The following RASGRF1 variants were observed in gnomAD, a reference collection of about 807,000 sequenced individuals.
The protein encoded by RASGRF1 is Ras protein specific guanine nucleotide releasing factor 1.
A neutral mutation model predicts 138.7 loss-of-function variants in RASGRF1; 40 were observed. That is an observed-to-expected ratio of 0.29 (90% CI 0.22 to 0.38). The LOEUF is 0.38. Among genes scored for constraint, RASGRF1 ranks in the 10% least tolerant of loss-of-function variants. The pLI is 1.00. For missense variants in RASGRF1, 1,108 were observed against 1,650.4 expected, an observed-to-expected ratio of 0.67 and a Z score of 5.69; for synonymous variants, 614 against 663.2, an observed-to-expected ratio of 0.93 and a Z score of 1.14.
At chr15:79,019,109 C>T (rs2056922791) in intron 11 of RASGRF1, among the ~76,000 whole-genome samples, 1 of 152,008 alleles carries the variant, frequency 6.6e-6, no homozygotes, top group South Asian at 2.1e-4. Context: ...TGTGGCAACC[C>T]CCAGGCCCAT....
intron 10 of RASGRF1, 47 bp downstream of exon 10, chr15:79,025,267 A>T: frequency 6.5e-7 from 1 of 1,537,424 alleles, no homozygotes; most frequent in Non-Finnish European, 8.8e-7. Context: ...CAGCGCCTGC[A>T]TGACCCTAGC....
chr15:78,964,024 A>G (rs1011157147), intron 26 of RASGRF1, among the ~76,000 whole-genome samples: 1 of 152,100 alleles, frequency 6.6e-6, no homozygotes, highest in African/African-American at 2.4e-5. Context: ...GGGTTTTGTC[A>G]TGTTGGCCAG....
At chr15:78,996,748 G>C (rs1314080768) in intron 19 of RASGRF1, among the ~76,000 whole-genome samples, 1 of 152,208 alleles carries the variant, frequency 6.6e-6, no homozygotes, top group Admixed American at 6.5e-5. Context: ...GTGTGTGTGT[G>C]TGTGGGCATG....
intron 5 of RASGRF1, among the ~76,000 whole-genome samples, chr15:79,037,009 T>A (rs1026450667): frequency 6.6e-6 from 1 of 152,130 alleles, no homozygotes; most frequent in African/African-American, 2.4e-5. Context: ...GTCTATCATC[T>A]CCCTAAAGTT....
chr15:79,065,482 AG>A (rs1158380636), intron 1 of RASGRF1, among the ~76,000 whole-genome samples: 1 of 152,008 alleles, frequency 6.6e-6, no homozygotes, highest in Non-Finnish European at 1.5e-5. Context: ...GACAAAGCCC[AG>A]GTTTCAGGTT....
intron 8 of RASGRF1, among the ~76,000 whole-genome samples, chr15:79,029,579 G>C (rs537859666): frequency 6.6e-6 from 1 of 152,246 alleles, no homozygotes; most frequent in East Asian, 1.9e-4. Context: ...TGGAAATGAT[G>C]ATTTGGGTTA....
At chr15:79,049,877 G>T (rs543184628) in intron 3 of RASGRF1, among the ~76,000 whole-genome samples, 2 of 152,298 alleles carry the variant, frequency 1.3e-5, no homozygotes, top group East Asian at 3.8e-4. Flanking sequence ...TTCTGCTCTC[G>T]GGGCTGTAGC....
rs2055812063 is a variant in RASGRF1 at position 78,973,454 on chromosome 15, A to G, written c.3495-34T>C. The G allele has an allele frequency of 1.3e-6, 2 of 1,507,202 alleles. No homozygotes were observed. The highest frequency in any genetic ancestry group is 1.8e-6 in the Non-Finnish European group (2 of 1,091,896). The allele number at this position is 1,507,202 out of a possible 1,614,324, so 93.4% of individuals were successfully genotyped here. On this transcript the variant is annotated intron_variant, in intron 24 of 26. Transcript: ENST00000558480. The surrounding 1 kb of genome is among the most constrained non-coding windows in gnomAD (Gnocchi z 4.9). Reference sequence around the variant, plus strand: ...CAAACGGCATTAACACAAGTTTTTCATTTTAAAAAAGTAACGTCTACCAAG... The same window carrying G: ...CAAACGGCATTAACACAAGTTTTTCGTTTTAAAAAAGTAACGTCTACCAAG...
At chr15:79,023,263 G>T (rs1037183270) in intron 10 of RASGRF1, among the ~76,000 whole-genome samples, 1 of 152,014 alleles carries the variant, frequency 6.6e-6, no homozygotes, top group African/African-American at 2.4e-5. Context: ...TGGAGGGACT[G>T]TAGCTTACAG....
intron 22 of RASGRF1, among the ~76,000 whole-genome samples, chr15:78,989,479 T>C (rs1261058371): frequency 2.0e-5 from 3 of 151,082 alleles, no homozygotes; most frequent in Non-Finnish European, 3.0e-5. Context: ...TAATTAAACA[T>C]TCGCTCAGCA....
At chr15:78,980,778 A>G in intron 23 of RASGRF1, 79 bp from the exon 24 acceptor site, 1 of 1,099,450 alleles carries the variant, frequency 9.1e-7, no homozygotes, top group Non-Finnish European at 1.3e-6. Flanking sequence ...CCCACACTCC[A>G]ACATGCTGCC....
At chr15:79,089,273 T>C (rs1186041728) in intron 1 of RASGRF1, among the ~76,000 whole-genome samples, 1 of 152,244 alleles carries the variant, frequency 6.6e-6, no homozygotes, top group East Asian at 1.9e-4. Flanking sequence ...TAGGATCCAC[T>C]ATCATCTGCT....
At chr15:78,998,310 C>G (rs1339898915) in intron 18 of RASGRF1, 102 bp from the exon 19 acceptor site, 2 of 992,152 alleles carry the variant, frequency 2.0e-6, no homozygotes, top group Non-Finnish European at 3.2e-6. Context: ...TCTATTCTGC[C>G]CAGGGCAGGC....
chr15:79,058,211 T>C (rs532549966), intron 3 of RASGRF1, 123 bp downstream of exon 3: 1 of 1,414,954 alleles, frequency 7.1e-7, no homozygotes, highest in East Asian at 2.3e-5. Flanking sequence ...AAGTTTGGAG[T>C]CTGGAAGAAC....
intron 5 of RASGRF1, among the ~76,000 whole-genome samples, chr15:79,045,080 A>G (rs1667780330): frequency 1.3e-5 from 2 of 152,266 alleles, no homozygotes; most frequent in African/African-American, 4.8e-5. Flanking sequence ...GAACTACACT[A>G]CTGCCTCCTG....
chr15:79,056,114 AGGATGCGTGG>A (rs1775667200), intron 3 of RASGRF1, among the ~76,000 whole-genome samples: 1 of 152,152 alleles, frequency 6.6e-6, no homozygotes, highest in Admixed American at 6.5e-5. Context: ...GTCACCAGGT[AGGATGCGTGG>A]GGATGAAAAG....
In RASGRF1 at chr15:79,079,504, G is replaced by C. The variant is rs187346927; in HGVS notation, c.276+10719C>G. 2.2e-4 allele frequency among the ~76,000 whole-genome samples: 33 copies of C among 148,114 alleles called. 1 individual carries two copies. The highest frequency in any genetic ancestry group is 5.9e-5 in the Non-Finnish European group (4 of 67,294). On this transcript the variant is annotated intron_variant, in intron 1 of 26. Transcript: ENST00000558480. ...CATGTCCACACCATGGAATACTATA[G>C]AGCCACAAAAAAGAATGGTGATCAA...
intron 1 of RASGRF1, among the ~76,000 whole-genome samples, chr15:79,076,564 G>A (rs1220198068): frequency 1.3e-5 from 2 of 152,188 alleles, no homozygotes; most frequent in African/African-American, 2.4e-5. Context: ...CCAGGCTGAT[G>A]AGCTGCATGT....
rs1360762524 is a variant in RASGRF1, at chr15:79,073,260, C to T, written c.277-8734G>A. The stretch of plus-strand genomic sequence containing the variant: ...AGTCCTCCACCAGACTGCCCAGATC[C>T]CAGAAGGGGAGTCATGATGCCTGAT... On this transcript the variant is annotated intron_variant, in intron 1 of 26. Coordinates refer to ENST00000558480, the MANE Select transcript of RASGRF1 (RefSeq NM_001145648.3). The surrounding 1 kb of genome is among the most constrained non-coding windows in gnomAD (Gnocchi z 4.2). 6.6e-6 allele frequency among the ~76,000 whole-genome samples: 1 copy of T among 151,952 alleles called. No homozygotes were observed. Among genetic ancestry groups the T allele is most frequent in the African/African-American group, 2.4e-5 (1 of 41,354 alleles).
Sources: allele counts gnomAD v4.1 joint callset (sites outside exome capture counted in the v4.1 genomes callset), GRCh38; gene constraint gnomAD v4.1.1; non-coding constraint Gnocchi (gnomAD v3.1); transcripts MANE v1.5; gene names NCBI Gene and HGNC (gene_info 2026-07-23, HGNC 2026-07-21).